DIP2B: variants seen among roughly 807,000 people sequenced by gnomAD.
DIP2B encodes the protein disco-interacting protein 2 homolog B.
In DIP2B, 76 loss-of-function variants were observed where a neutral mutation model predicts 198.0. The observed-to-expected ratio is 0.38, with a 90% confidence interval of 0.32 to 0.46. The LOEUF is 0.46. DIP2B is among the 20% of genes least tolerant of loss of function. DIP2B has a pLI of 0.99. For missense variants in DIP2B, 1,559 were observed against 1,978.4 expected, an observed-to-expected ratio of 0.79 and a Z score of 4.02; for synonymous variants, 701 against 739.1, an observed-to-expected ratio of 0.95 and a Z score of 0.84.
chr12:50,576,075 T>C (rs1261001850), intron 1 of DIP2B, among the ~76,000 whole-genome samples: 1 of 139,942 alleles, frequency 7.1e-6, no homozygotes, highest in Non-Finnish European at 1.5e-5. Context: ...TTTTTTTCAC[T>C]TTTTTTTTTT....
At chr12:50,609,459 G>GCAA (rs1959012932) in intron 1 of DIP2B, among the ~76,000 whole-genome samples, 1 of 152,196 alleles carries the variant, frequency 6.6e-6, no homozygotes, top group African/African-American at 2.4e-5. Flanking sequence ...AGGGTATTGG[G>GCAA]CAACAGGCCC....
At chr12:50,701,636 G>A (rs575098475) in intron 19 of DIP2B, among the ~76,000 whole-genome samples, 1 of 151,808 alleles carries the variant, frequency 6.6e-6, no homozygotes, top group East Asian at 1.9e-4. Flanking sequence ...CACCCTCCTC[G>A]GCGTCCCAAA....
chr12:50,671,676 C>T (rs767621284), intron 5 of DIP2B, among the ~76,000 whole-genome samples: 3 of 152,200 alleles, frequency 2.0e-5, no homozygotes, highest in Non-Finnish European at 4.4e-5. Context: ...ACACCAGTCT[C>T]AGTGTGGAGT....
chr12:50,736,979 C>T (rs1376728939), intron 34 of DIP2B, 57 bp from the exon 35 acceptor site: 1 of 1,568,904 alleles, frequency 6.4e-7, no homozygotes, highest in Non-Finnish European at 8.8e-7. Flanking sequence ...CGTGCGTTTC[C>T]TGGAGGTCAT....
At chr12:50,630,634 G>T (rs979701767) in intron 2 of DIP2B, among the ~76,000 whole-genome samples, 2 of 142,996 alleles carry the variant, frequency 1.4e-5, no homozygotes, top group South Asian at 4.6e-4. Context: ...AGAATGCTTT[G>T]ATGTTGATCA....
At chr12:50,556,445 A>G (rs1038011206) in intron 1 of DIP2B, among the ~76,000 whole-genome samples, 1 of 152,188 alleles carries the variant, frequency 6.6e-6, no homozygotes, top group Non-Finnish European at 1.5e-5. Context: ...TGCCACTATG[A>G]AGACAGGTAT....
At chr12:50,660,052 C>G in intron 3 of DIP2B, 142 bp from the exon 4 acceptor site, 1 of 906,034 alleles carries the variant, frequency 1.1e-6, no homozygotes, top group Non-Finnish European at 1.5e-6. Context: ...TGGTCTTAAT[C>G]AAATTATAAA....
chr12:50,507,595 G>T (rs1021008817), intron 1 of DIP2B, among the ~76,000 whole-genome samples: 2 of 152,056 alleles, frequency 1.3e-5, no homozygotes, highest in African/African-American at 4.8e-5. Flanking sequence ...ACTGTTGCCC[G>T]ATTTTAGCTT....
intron 1 of DIP2B, among the ~76,000 whole-genome samples, chr12:50,584,955 C>G (rs1958757991): frequency 6.6e-6 from 1 of 152,212 alleles, no homozygotes. Flanking sequence ...AGGAACCTGC[C>G]TGCTTCTCCT....
chr12:50,599,389 G>A (rs980369084), intron 1 of DIP2B, among the ~76,000 whole-genome samples: 1 of 152,212 alleles, frequency 6.6e-6, no homozygotes, highest in African/African-American at 2.4e-5. Context: ...GCCAAGGTGG[G>A]TGGATCTCCT....
chr12:50,524,675 C>T (rs1002887792), intron 1 of DIP2B, among the ~76,000 whole-genome samples: 3 of 152,224 alleles, frequency 2.0e-5, no homozygotes, highest in South Asian at 4.1e-4. Flanking sequence ...CACCCCTCCC[C>T]TTAGGGGGCT....
At chr12:50,628,137 G>A (rs534626912) in intron 2 of DIP2B, among the ~76,000 whole-genome samples, 199 of 152,248 alleles carry the variant, frequency 1.3e-3, no homozygotes, top group African/African-American at 4.5e-3. Context: ...TTGGGAGGCC[G>A]AGGCGGGTGG....
intron 3 of DIP2B, among the ~76,000 whole-genome samples, chr12:50,654,640 T>A (rs948015090): frequency 4.6e-5 from 7 of 152,190 alleles, no homozygotes; most frequent in South Asian, 4.1e-4. Context: ...GTATGAGTCA[T>A]CACACCTGGC....
chr12:50,564,228 A>T (rs1169111400), intron 1 of DIP2B, among the ~76,000 whole-genome samples: 1 of 152,038 alleles, frequency 6.6e-6, no homozygotes, highest in Non-Finnish European at 1.5e-5. Context: ...TTTGTTTCTA[A>T]TCTAACCACC....
At chr12:50,545,470 A>G (rs10431532) in intron 1 of DIP2B, among the ~76,000 whole-genome samples, 141,413 of 149,722 alleles carry the variant, frequency 0.94, 67,324 homozygotes, top group East Asian at 1. Context: ...TGACTTCTTG[A>G]GCTCAAGTGA....
chr12:50,626,935 T>C (rs1176236823), intron 2 of DIP2B, among the ~76,000 whole-genome samples: 2 of 152,228 alleles, frequency 1.3e-5, no homozygotes, highest in Admixed American at 6.5e-5. Flanking sequence ...TATATTTCTT[T>C]GATGTGCTTG....
At chr12:50,649,161 C>A (rs935635326) in intron 3 of DIP2B, among the ~76,000 whole-genome samples, 1 of 152,116 alleles carries the variant, frequency 6.6e-6, no homozygotes, top group East Asian at 1.9e-4. Flanking sequence ...ACCATGAAGA[C>A]GCCAGGTCTG....
At chr12:50,519,124 A>G (rs1019881481) in intron 1 of DIP2B, among the ~76,000 whole-genome samples, 2 of 152,304 alleles carry the variant, frequency 1.3e-5, no homozygotes, top group Middle Eastern at 6.8e-3. Context: ...ATTCTCAGAG[A>G]AAAAGGTATA....
chr12:50,506,691 A>G (rs1957971445), intron 1 of DIP2B, among the ~76,000 whole-genome samples: 1 of 152,148 alleles, frequency 6.6e-6, no homozygotes. Context: ...CTGCCCAGTT[A>G]TACCTTAAGT....
Sources: gnomAD v4.1 joint callset for allele counts (sites outside exome capture counted in the v4.1 genomes callset) on GRCh38, gnomAD v4.1.1 for gene constraint, MANE v1.5 for transcripts, NCBI Gene and HGNC (gene_info 2026-07-23, HGNC 2026-07-21) for gene names.